Variants in TRAPPC10 observed in about 807,000 individuals in gnomAD.
TRAPPC10 encodes the protein TRAPP 130 kDa subunit.
Under a neutral mutation model 125.5 loss-of-function variants are expected in TRAPPC10, and 23 were observed. The ratio of observed to expected loss-of-function variants is 0.18; its 90% CI spans 0.13 to 0.26. The LOEUF (loss-of-function observed/expected upper bound fraction) is 0.26. Among genes scored for constraint, TRAPPC10 ranks in the 10% least tolerant of loss-of-function variants. TRAPPC10 has a pLI of 1.00. For missense variants in TRAPPC10, 1,123 were observed against 1,308.4 expected (o/e 0.86, Z 2.19); for synonymous variants, 509 against 518.0 (o/e 0.98, Z 0.24).
At chr21:44,013,089 C>T (rs979036037) in intron 1 of TRAPPC10, among the ~76,000 whole-genome samples, 2 of 152,176 alleles carry the variant, frequency 1.3e-5, no homozygotes, top group Non-Finnish European at 1.5e-5. Flanking sequence ...TACACACTTC[C>T]CCGCCGCGCA....
chr21:44,025,917 G>A (rs370560900), intron 1 of TRAPPC10, among the ~76,000 whole-genome samples: 1 of 150,564 alleles, frequency 6.6e-6, no homozygotes, highest in East Asian at 2.0e-4. Context: ...AGGACCTGGA[G>A]GAGAGCCAGG....
intron 3 of TRAPPC10, among the ~76,000 whole-genome samples, chr21:44,043,602 A>C (rs112621455): frequency 2.6e-5 from 4 of 152,186 alleles, no homozygotes; most frequent in African/African-American, 7.2e-5. Context: ...CGAGTGTCCA[A>C]ATTTATTTTC....
intron 5 of TRAPPC10, among the ~76,000 whole-genome samples, chr21:44,058,445 C>G (rs1391284097): frequency 1.3e-5 from 2 of 152,138 alleles, no homozygotes; most frequent in Non-Finnish European, 2.9e-5. Flanking sequence ...CTGGGGATGT[C>G]TCGAAAGGAT....
At chr21:44,019,765 C>T (rs957642519) in intron 1 of TRAPPC10, among the ~76,000 whole-genome samples, 1 of 152,188 alleles carries the variant, frequency 6.6e-6, no homozygotes, top group Non-Finnish European at 1.5e-5. Context: ...CACCATGCCA[C>T]CTGCCGCACC....
At chr21:44,069,053 TAAG>T (rs374312207) in intron 7 of TRAPPC10, among the ~76,000 whole-genome samples, 2 of 152,238 alleles carry the variant, frequency 1.3e-5, no homozygotes, top group South Asian at 2.1e-4. Context: ...AAAAATAAAA[TAAG>T]AAAACTCTTG....
At chr21:44,094,336 A>G in intron 20 of TRAPPC10, 103 bp downstream of exon 20, 2 of 1,117,526 alleles carry the variant, frequency 1.8e-6, no homozygotes, top group Non-Finnish European at 2.6e-6. Flanking sequence ...TGTCAACATA[A>G]TGAAGGAGCA....
chr21:44,053,065 ATC>A, intron 4 of TRAPPC10, among the ~76,000 whole-genome samples: 1 of 151,982 alleles, frequency 6.6e-6, no homozygotes, highest in Non-Finnish European at 1.5e-5. Context: ...GATGGTCTGT[ATC>A]TCGTAGCTTA....
chr21:44,038,004 T>G, intron 3 of TRAPPC10, 77 bp downstream of exon 3: 1 of 1,532,376 alleles, frequency 6.5e-7, no homozygotes, highest in Non-Finnish European at 8.8e-7. Flanking sequence ...TGAGTACCAG[T>G]GGGGGAAGAG....
chr21:44,020,152 G>T (rs1324025728), intron 1 of TRAPPC10, among the ~76,000 whole-genome samples: 4 of 145,060 alleles, frequency 2.8e-5, no homozygotes, highest in Admixed American at 2.1e-4. Context: ...ACAGAGTCTC[G>T]CTCTATTGCC....
At chr21:44,032,878 A>G (rs890306519) in intron 2 of TRAPPC10, among the ~76,000 whole-genome samples, 3 of 152,242 alleles carry the variant, frequency 2.0e-5, no homozygotes, top group African/African-American at 7.2e-5. Context: ...TGTATCAGCC[A>G]TCTTACAAGA....
At position 44,087,987 on chromosome 21, in the gene TRAPPC10, T is replaced by C; in HGVS notation, c.2769+59T>C. On this transcript the variant is annotated intron_variant, in intron 17 of 22. Coordinates refer to ENST00000291574, the MANE Select transcript of TRAPPC10 (RefSeq NM_003274.5). The surrounding 1 kb of genome is among the most constrained non-coding windows in gnomAD (Gnocchi z 4.6). ...GGGCGTCCGCCGCCCGCCTGCCTGC[T>C]GGGAAAGGCGATGTAGCGATGCCTG... The C allele has an allele frequency of 1.4e-6, 2 of 1,463,734 alleles. No individual in the cohort carries two copies. Among genetic ancestry groups the C allele is most frequent in the South Asian group, 1.2e-5 (1 of 83,600 alleles). The allele number at this position is 1,463,734 out of a possible 1,614,324, so 90.7% of individuals were successfully genotyped here.
chr21:44,089,971 C>A, intron 18 of TRAPPC10, 38 bp downstream of exon 18: 1 of 1,513,202 alleles, frequency 6.6e-7, no homozygotes, highest in East Asian at 2.3e-5. Flanking sequence ...GGCTTCTTTC[C>A]CCAGACTCTT....
Position 44,088,291 on chromosome 21 carries a change from T to C in TRAPPC10, c.2769+363T>C, listed in dbSNP as rs80221897. 2.5e-3 allele frequency: 614 copies of C among 250,074 alleles called. 6 individuals are homozygous for C. The highest frequency in any genetic ancestry group is 0.013 in the African/African-American group (580 of 45,452). 15.5% of individuals were successfully genotyped at this position (250,074 alleles called of 1,614,324 possible). ...CGTGTGTGCCTCGGTGTCTGTCCAC[T>C]GAAACTCATAAGCTCAGCCACGGAG... On this transcript the variant is annotated intron_variant, in intron 17 of 22. Coordinates refer to ENST00000291574, the MANE Select transcript of TRAPPC10 (RefSeq NM_003274.5).
chr21:44,069,786 C>T (rs1041963268), intron 7 of TRAPPC10, among the ~76,000 whole-genome samples: 5 of 152,092 alleles, frequency 3.3e-5, no homozygotes, highest in Non-Finnish European at 4.4e-5. Flanking sequence ...AACGTTGCAC[C>T]GTGGCCCTGT....
At chr21:44,081,663 G>C (rs898238385) in intron 13 of TRAPPC10, among the ~76,000 whole-genome samples, 1 of 152,152 alleles carries the variant, frequency 6.6e-6, no homozygotes, top group African/African-American at 2.4e-5. Flanking sequence ...GGGGCAGGCA[G>C]ATCACTTGAG....
At position 44,079,656 on chromosome 21, in the gene TRAPPC10, C is replaced by A; in HGVS notation, c.1562C>A (p.Thr521Lys). 2 of 1,610,978 alleles carry A rather than the reference C, an allele frequency of 1.2e-6. No homozygotes were observed. The highest frequency in any genetic ancestry group is 1.7e-6 in the Non-Finnish European group (2 of 1,179,294). The change falls in exon 12 of 23, where the codon ACA becomes AAA. Residue 521 changes from threonine (T) to lysine (K), a missense_variant. This residue lies in a region of TRAPPC10 where 840 missense variants were observed against 902.0 expected (regional missense o/e 0.93). Coordinates refer to ENST00000291574, the MANE Select transcript of TRAPPC10 (RefSeq NM_003274.5). ...GGCTGGGCACTCCCCATCACACACA[C>A]AAGGAAGCAGCTGGCCGAATGTCAA... ...AEGWALPITH[T>K]RKQLAECQKH... is the part of the protein sequence containing the mutation.
chr21:44,025,463 G>C (rs1269351132), intron 1 of TRAPPC10, among the ~76,000 whole-genome samples: 1 of 152,152 alleles, frequency 6.6e-6, no homozygotes, highest in Non-Finnish European at 1.5e-5. Context: ...ACTGTTAAAG[G>C]CTGATTCCTC....
At chr21:44,019,729 G>A (rs1289664789) in intron 1 of TRAPPC10, among the ~76,000 whole-genome samples, 1 of 152,162 alleles carries the variant, frequency 6.6e-6, no homozygotes, top group African/African-American at 2.4e-5. Context: ...ACATTCACAG[G>A]TTTTGAGGGT....
intron 1 of TRAPPC10, among the ~76,000 whole-genome samples, chr21:44,020,093 C>T (rs1411700671): frequency 6.6e-6 from 1 of 151,290 alleles, no homozygotes; most frequent in Non-Finnish European, 1.5e-5. Flanking sequence ...GGGACCATTC[C>T]ATTGTATGTT....
Sources: allele counts gnomAD v4.1 joint callset (sites outside exome capture counted in the v4.1 genomes callset), GRCh38; gene constraint gnomAD v4.1.1; regional missense constraint gnomAD v4.1.1; non-coding constraint Gnocchi (gnomAD v3.1); transcripts MANE v1.5; gene names NCBI Gene and HGNC (gene_info 2026-07-23, HGNC 2026-07-21).